SGCZ: variants seen among roughly 807,000 people sequenced by gnomAD.
SGCZ encodes the protein zeta-sarcoglycan.
A neutral mutation model predicts 41.3 loss-of-function variants in SGCZ; 40 were observed. That is an observed-to-expected ratio of 0.97 (90% confidence interval 0.75 to 1.26). The LOEUF (loss-of-function observed/expected upper bound fraction) is 1.26. Among genes scored for constraint, SGCZ ranks in the 50% most tolerant of loss-of-function variants. The probability of loss-of-function intolerance (pLI) is 0.00; values close to 1 mark genes in which losing one functional copy is unlikely to be tolerated. For missense variants in SGCZ, 552 were observed against 369.8 expected (o/e 1.49, Z -4.04); for synonymous variants, 206 against 137.5 (o/e 1.50, Z -3.49).
intron 3 of SGCZ, among the ~76,000 whole-genome samples, chr8:14,312,779 A>G (rs1434528658): frequency 1.3e-5 from 2 of 152,216 alleles, no homozygotes; most frequent in African/African-American, 4.8e-5. Context: ...AGTGGCATCA[A>G]TATGATATGG....
chr8:14,706,602 T>C (rs899723250), intron 1 of SGCZ, among the ~76,000 whole-genome samples: 11 of 152,128 alleles, frequency 7.2e-5, no homozygotes, highest in African/African-American at 2.7e-4. Flanking sequence ...AAGCTCTAAC[T>C]CTTTAATTAT....
chr8:14,307,530 C>G (rs556831715), intron 3 of SGCZ, among the ~76,000 whole-genome samples: 4 of 151,974 alleles, frequency 2.6e-5, no homozygotes, highest in Non-Finnish European at 5.9e-5. Context: ...AACCTTTCTT[C>G]AGCAAAAAAA....
At chr8:14,921,378 T>G (rs1454787982) in intron 1 of SGCZ, among the ~76,000 whole-genome samples, 1 of 152,178 alleles carries the variant, frequency 6.6e-6, no homozygotes, top group East Asian at 1.9e-4. Flanking sequence ...CTGTGTGATT[T>G]CAGGCAACTT....
At chr8:14,355,231 T>C (rs867146855) in intron 2 of SGCZ, among the ~76,000 whole-genome samples, 1 of 152,076 alleles carries the variant, frequency 6.6e-6, no homozygotes, top group African/African-American at 2.4e-5. Context: ...GAATGCAACA[T>C]AATTTATATC....
intron 2 of SGCZ, among the ~76,000 whole-genome samples, chr8:14,379,429 A>G (rs1427084282): frequency 6.6e-6 from 1 of 152,128 alleles, no homozygotes; most frequent in Non-Finnish European, 1.5e-5. Flanking sequence ...AATTTGCAAA[A>G]CCTATATGAG....
At chr8:14,505,098 G>A (rs939463541) in intron 2 of SGCZ, among the ~76,000 whole-genome samples, 3 of 152,038 alleles carry the variant, frequency 2.0e-5, no homozygotes, top group Admixed American at 1.3e-4. Context: ...GTAGTGGGCC[G>A]TGATCATGCC....
chr8:15,216,408 G>C (rs912558069), intron 1 of SGCZ, among the ~76,000 whole-genome samples: 1 of 151,708 alleles, frequency 6.6e-6, no homozygotes, highest in Admixed American at 6.6e-5. Flanking sequence ...TTTTAGTAGA[G>C]ACGGAGTTTC....
intron 2 of SGCZ, among the ~76,000 whole-genome samples, chr8:14,349,032 C>G (rs997261309): frequency 1.4e-4 from 22 of 152,006 alleles, no homozygotes; most frequent in Admixed American, 3.9e-4. Context: ...TCATCCAAAT[C>G]CTTTTTAATA....
intron 2 of SGCZ, among the ~76,000 whole-genome samples, chr8:14,520,682 T>C (rs909063337): frequency 6.6e-5 from 10 of 152,078 alleles, no homozygotes; most frequent in Non-Finnish European, 1.3e-4. Context: ...GATTAAAAAA[T>C]AGAACTCAGA....
intron 4 of SGCZ, among the ~76,000 whole-genome samples, chr8:14,229,093 C>G (rs917759077): frequency 1.3e-5 from 2 of 152,104 alleles, no homozygotes; most frequent in African/African-American, 4.8e-5. Context: ...CCGTCTCTTT[C>G]AGGTTTTAGT....
chr8:14,874,489 A>G (rs1483045076), intron 1 of SGCZ, among the ~76,000 whole-genome samples: 2 of 152,172 alleles, frequency 1.3e-5, no homozygotes, highest in Non-Finnish European at 2.9e-5. Context: ...TTTATCCACC[A>G]ACTGACTTTT....
rs1430769370 is a variant in SGCZ, at chr8:14,260,512, G to C, written c.337-22833C>G. 2.0e-5 allele frequency among the ~76,000 whole-genome samples: 3 copies of C among 146,874 alleles called. No individual in the cohort carries two copies. The South Asian group carries it at 6.7e-4, about 33-fold the overall frequency. On this transcript the variant is annotated intron_variant, in intron 3 of 7. Coordinates refer to ENST00000382080, the MANE Select transcript of SGCZ (RefSeq NM_139167.4). ...ACACTGTTGGCGGGACTGTAAACTA[G>C]TTCAACCATTGTGGAAGTCAGTGTG...
intron 1 of SGCZ, among the ~76,000 whole-genome samples, chr8:14,923,824 T>A (rs1471291506): frequency 6.6e-6 from 1 of 152,162 alleles, no homozygotes; most frequent in East Asian, 1.9e-4. Context: ...CAAGCACAAC[T>A]AAAATGAAAT....
At chr8:14,966,627 T>A (rs1219377765) in intron 1 of SGCZ, among the ~76,000 whole-genome samples, 1 of 152,110 alleles carries the variant, frequency 6.6e-6, no homozygotes, top group African/African-American at 2.4e-5. Flanking sequence ...CAGTGCATAA[T>A]ATTAATACTG....
chr8:15,225,048 G>T (rs1444940344), intron 1 of SGCZ, among the ~76,000 whole-genome samples: 1 of 152,060 alleles, frequency 6.6e-6, no homozygotes, highest in African/African-American at 2.4e-5. Context: ...AAAATAGAAA[G>T]ATTATGAACA....
chr8:15,045,738 C>G (rs1289287467), intron 1 of SGCZ, among the ~76,000 whole-genome samples: 4 of 152,046 alleles, frequency 2.6e-5, no homozygotes, highest in Non-Finnish European at 5.9e-5. Context: ...AAGACCCTAT[C>G]CATCAGCCAA....
At chr8:15,120,178 G>C (rs1052531677) in intron 1 of SGCZ, among the ~76,000 whole-genome samples, 3 of 152,160 alleles carry the variant, frequency 2.0e-5, no homozygotes, top group Non-Finnish European at 4.4e-5. Flanking sequence ...ATGTTTCACT[G>C]ATCCTGCCAA....
chr8:14,113,919 G>C (rs944935833), intron 5 of SGCZ, among the ~76,000 whole-genome samples: 1 of 151,966 alleles, frequency 6.6e-6, no homozygotes, highest in Non-Finnish European at 1.5e-5. Flanking sequence ...CTCCTCATTT[G>C]ATGGTAATCT....
chr8:14,739,031 T>A (rs1799126853), intron 1 of SGCZ, among the ~76,000 whole-genome samples: 1 of 152,078 alleles, frequency 6.6e-6, no homozygotes, highest in Non-Finnish European at 1.5e-5. Context: ...ATTGTGTTAG[T>A]TGTGGAGTAT....
Sources: gnomAD v4.1 joint callset for allele counts (sites outside exome capture counted in the v4.1 genomes callset) on GRCh38, gnomAD v4.1.1 for gene constraint, MANE v1.5 for transcripts, NCBI Gene and HGNC (gene_info 2026-07-23, HGNC 2026-07-21) for gene names.